The following CLSTN2 variants were observed in gnomAD, a reference collection of about 807,000 sequenced individuals.
CLSTN2 encodes calsyntenin-2.
In CLSTN2, 48 loss-of-function variants were observed where a neutral mutation model predicts 101.2. That is an observed-to-expected ratio of 0.47 (90% CI 0.38 to 0.60). The LOEUF (loss-of-function observed/expected upper bound fraction) is 0.60. Among genes scored for constraint, CLSTN2 ranks in the 20% least tolerant of loss-of-function variants. The probability of loss-of-function intolerance (pLI) is 0.00; values close to 1 mark genes in which losing one functional copy is unlikely to be tolerated. For missense variants in CLSTN2, 1,160 were observed against 1,238.2 expected (o/e 0.94, Z 0.95); for synonymous variants, 481 against 463.6 (o/e 1.04, Z -0.48).
chr3:140,546,734 GC>G lies in CLSTN2; in HGVS notation c.1674+55del. 10 of 1,482,818 alleles carry G rather than the reference GC, an allele frequency of 6.7e-6. No homozygotes were observed. In the South Asian group the frequency reaches 1.3e-4, roughly 20 times the overall value. 91.9% of individuals were successfully genotyped at this position (1,482,818 alleles called of 1,614,324 possible). ...ATAAGACAGGGATTCATGATGCCCA[GC>G]CTGCACAGCGCCAGCACACGCCAGG... On this transcript the variant is annotated intron_variant, in intron 10 of 16. Coordinates refer to ENST00000458420, the MANE Select transcript of CLSTN2 (RefSeq NM_022131.3).
chr3:140,521,973 G>T (rs769816409), intron 8 of CLSTN2, among the ~76,000 whole-genome samples: 1 of 152,192 alleles, frequency 6.6e-6, no homozygotes, highest in Admixed American at 6.5e-5. Context: ...GCAAAACTGG[G>T]TCTCTGTGTT....
At position 140,571,397 on chromosome 3, in the gene CLSTN2, GT is replaced by G. The variant is rs1206307154; in HGVS notation, c.*5149del. The G allele has an allele frequency of 6.6e-6, 1 of 152,088 alleles. No homozygotes were observed. The highest frequency in any genetic ancestry group is 2.4e-5 in the African/African-American group (1 of 41,418). The allele number at this position is 152,088 out of a possible 1,614,324, so 9.4% of individuals were successfully genotyped here. On this transcript the variant is annotated 3_prime_UTR_variant, in exon 17 of 17. Coordinates refer to ENST00000458420, the MANE Select transcript of CLSTN2 (RefSeq NM_022131.3). ...TCCCCACATTTAAATTAACCAAATA[GT>G]TTTTACAAAAAAGTAGGTAAGTGGG...
chr3:139,941,697 G>A (rs145652974), intron 1 of CLSTN2, among the ~76,000 whole-genome samples: 13 of 152,312 alleles, frequency 8.5e-5, no homozygotes, highest in Non-Finnish European at 1.5e-4. Context: ...GCATATGTCA[G>A]GGGCAGGGGT....
intron 1 of CLSTN2, among the ~76,000 whole-genome samples, chr3:140,025,212 A>C (rs146133161): frequency 6.6e-6 from 1 of 152,318 alleles, no homozygotes; most frequent in East Asian, 1.9e-4. Context: ...TCTTGGATAC[A>C]TCAGAAATGT....
At chr3:140,277,086 G>A (rs2086802347) in intron 2 of CLSTN2, among the ~76,000 whole-genome samples, 1 of 152,210 alleles carries the variant, frequency 6.6e-6, no homozygotes, top group African/African-American at 2.4e-5. Context: ...TCAAGACTGA[G>A]CACGCTAAAT....
At chr3:140,427,204 T>TGC (rs2088578518) in intron 5 of CLSTN2, among the ~76,000 whole-genome samples, 1 of 73,282 alleles carries the variant, frequency 1.4e-5, no homozygotes, top group African/African-American at 9.1e-5. Context: ...TATATATATA[T>TGC]GTGTATATAT....
At chr3:140,492,065 G>A (rs568939959) in intron 8 of CLSTN2, among the ~76,000 whole-genome samples, 1 of 152,116 alleles carries the variant, frequency 6.6e-6, no homozygotes, top group East Asian at 1.9e-4. Flanking sequence ...CACACGTAAA[G>A]GTGCTCAACT....
intron 1 of CLSTN2, among the ~76,000 whole-genome samples, chr3:140,164,576 C>T (rs2010102923): frequency 1.3e-5 from 2 of 152,176 alleles, no homozygotes; most frequent in Admixed American, 6.5e-5. Flanking sequence ...AGCACTTTGA[C>T]ATTAATTGCA....
At chr3:140,405,688 A>C (rs374055833) in intron 4 of CLSTN2, among the ~76,000 whole-genome samples, 2 of 152,210 alleles carry the variant, frequency 1.3e-5, no homozygotes, top group African/African-American at 4.8e-5. Context: ...ATCACCACGA[A>C]TAGAAAACTC....
At chr3:140,350,617 G>C (rs969497929) in intron 2 of CLSTN2, among the ~76,000 whole-genome samples, 1 of 152,184 alleles carries the variant, frequency 6.6e-6, no homozygotes, top group African/African-American at 2.4e-5. Flanking sequence ...TTCATTGCTT[G>C]CTAGAAACTT....
intron 1 of CLSTN2, among the ~76,000 whole-genome samples, chr3:139,985,514 A>C (rs1181332810): frequency 6.6e-6 from 1 of 152,082 alleles, no homozygotes; most frequent in Admixed American, 6.6e-5. Flanking sequence ...ATGGGTGTGT[A>C]TGTCCTGAAA....
At chr3:140,234,012 A>G (rs1292156792) in intron 2 of CLSTN2, among the ~76,000 whole-genome samples, 1 of 152,228 alleles carries the variant, frequency 6.6e-6, no homozygotes, top group African/African-American at 2.4e-5. Flanking sequence ...TGCAAAGCTT[A>G]AAATATTTAT....
At chr3:140,173,639 G>A (rs1436887990) in intron 1 of CLSTN2, among the ~76,000 whole-genome samples, 5 of 152,240 alleles carry the variant, frequency 3.3e-5, no homozygotes, top group Admixed American at 6.5e-5. Flanking sequence ...TGGGCATCCA[G>A]GCATTTCCAT....
intron 2 of CLSTN2, among the ~76,000 whole-genome samples, chr3:140,330,740 G>A (rs867041786): frequency 3.9e-5 from 6 of 152,132 alleles, no homozygotes; most frequent in African/African-American, 1.2e-4. Context: ...TCTAAAATTC[G>A]GATTCTGTGA....
At chr3:140,410,230 T>A (rs2088348025) in intron 4 of CLSTN2, among the ~76,000 whole-genome samples, 1 of 151,892 alleles carries the variant, frequency 6.6e-6, no homozygotes, top group Admixed American at 6.6e-5. Context: ...CCAAAAGACT[T>A]TGCCATGACA....
chr3:140,187,431 A>G (rs2010499863), intron 2 of CLSTN2, among the ~76,000 whole-genome samples: 1 of 152,092 alleles, frequency 6.6e-6, no homozygotes, highest in Non-Finnish European at 1.5e-5. Flanking sequence ...AGCAAGGAGG[A>G]AAAGGCCTTT....
At chr3:140,337,361 A>G (rs1445409398) in intron 2 of CLSTN2, among the ~76,000 whole-genome samples, 2 of 152,130 alleles carry the variant, frequency 1.3e-5, no homozygotes, top group East Asian at 1.9e-4. Context: ...TGGCTTGTCA[A>G]TGGTATTCTC....
At chr3:140,058,452 G>A (rs1181942106) in intron 1 of CLSTN2, among the ~76,000 whole-genome samples, 2 of 152,208 alleles carry the variant, frequency 1.3e-5, no homozygotes, top group African/African-American at 2.4e-5. Flanking sequence ...TATGTTAAAG[G>A]AATTTAGGAA....
intron 2 of CLSTN2, among the ~76,000 whole-genome samples, chr3:140,387,366 G>C (rs77411271): frequency 0.066 from 10,102 of 152,222 alleles, 796 homozygotes; most frequent in African/African-American, 0.19. Context: ...ATGTAGGATG[G>C]CTTATTTTCT....
Sources: gnomAD v4.1 joint callset for allele counts (sites outside exome capture counted in the v4.1 genomes callset) on GRCh38, gnomAD v4.1.1 for gene constraint, MANE v1.5 for transcripts, NCBI Gene and HGNC (gene_info 2026-07-23, HGNC 2026-07-21) for gene names.